The following CAMKK2 variants were observed in gnomAD, a reference collection of about 807,000 sequenced individuals.
The protein encoded by CAMKK2 is calcium/calmodulin dependent protein kinase kinase 2.
Under a neutral mutation model 67.2 loss-of-function variants are expected in CAMKK2, and 30 were observed. The observed-to-expected ratio is 0.45, with a 90% CI of 0.33 to 0.61. The LOEUF is 0.61. Among genes scored for constraint, CAMKK2 ranks in the 20% least tolerant of loss-of-function variants. The pLI, the probability that CAMKK2 is intolerant of heterozygous loss-of-function variation, is 0.02. For missense variants in CAMKK2, 643 were observed against 802.0 expected, an observed-to-expected ratio of 0.80 and a Z score of 2.39; for synonymous variants, 322 against 326.2, an observed-to-expected ratio of 0.99 and a Z score of 0.14.
At chr12:121,242,865 C>T (rs1385541912) in intron 16 of CAMKK2, among the ~76,000 whole-genome samples, 1 of 152,174 alleles carries the variant, frequency 6.6e-6, no homozygotes, top group East Asian at 1.9e-4. Flanking sequence ...GCCTCAGCCT[C>T]CCGAGTAGCT....
At chr12:121,295,184 T>C (rs1270682961) in intron 1 of CAMKK2, among the ~76,000 whole-genome samples, 1 of 152,124 alleles carries the variant, frequency 6.6e-6, no homozygotes, top group Non-Finnish European at 1.5e-5. Context: ...TAAATAAGTA[T>C]TCTTATTATT....
chr12:121,276,849 G>A (rs1413975441), intron 1 of CAMKK2, among the ~76,000 whole-genome samples: 5 of 133,032 alleles, frequency 3.8e-5, no homozygotes, highest in African/African-American at 5.7e-5. Flanking sequence ...TTGCACCACT[G>A]CACACCAGCC....
intron 4 of CAMKK2, 27 bp from the exon 5 acceptor site, chr12:121,268,716 T>C: frequency 6.2e-7 from 1 of 1,611,998 alleles, no homozygotes; most frequent in Non-Finnish European, 8.5e-7. Flanking sequence ...GACAGCACCT[T>C]TAGCCAGGTC....
intron 9 of CAMKK2, among the ~76,000 whole-genome samples, chr12:121,255,222 A>ATATATATAAAAT (rs1555250767): frequency 0.033 from 569 of 17,280 alleles, 64 homozygotes; most frequent in Non-Finnish European, 0.043. Context: ...ATATAATTTT[A>ATATATATAAAAT]TATATATATA....
At chr12:121,244,255 G>C in intron 16 of CAMKK2, 1 of 908,990 alleles carries the variant, frequency 1.1e-6, no homozygotes, top group East Asian at 2.6e-5. Context: ...CCCTGTGACA[G>C]AGCTTCAACA....
chr12:121,268,790 G>A (rs1031505472), intron 4 of CAMKK2, 101 bp from the exon 5 acceptor site: 174 of 1,102,252 alleles, frequency 1.6e-4, no homozygotes, highest in Admixed American at 5.8e-4. Context: ...CTCCAAAGCC[G>A]GCCCAAGCTC....
At position 121,296,420 on chromosome 12, in the gene CAMKK2, A is replaced by G. The variant is rs1335613614; in HGVS notation, c.-60+218T>C. Among the ~76,000 whole-genome samples the G allele has an allele frequency of 6.6e-6, 1 of 152,118 alleles. No homozygotes were observed. The highest frequency in any genetic ancestry group is 2.4e-5 in the African/African-American group (1 of 41,426). On this transcript the variant is annotated intron_variant, in intron 1 of 16. Transcript: ENST00000404169. This position sits in a 1 kb window ranked among gnomAD's most constrained non-coding sequence, Gnocchi z 7.1. ...CCATCCCGAGGCCCAGGGCGCCCAGAGGACGCGGGGGAAGGGCTGTCGGGG... is the reference window on the plus strand; with the variant it reads ...CCATCCCGAGGCCCAGGGCGCCCAGGGGACGCGGGGGAAGGGCTGTCGGGG...
At chr12:121,273,455 C>G (rs1289114776) in intron 2 of CAMKK2, among the ~76,000 whole-genome samples, 1 of 152,062 alleles carries the variant, frequency 6.6e-6, no homozygotes, top group Non-Finnish European at 1.5e-5. Flanking sequence ...GATCTGAGTT[C>G]TCTGTATCCC....
At chr12:121,251,996 G>A (rs1309918302) in intron 11 of CAMKK2, among the ~76,000 whole-genome samples, 2 of 152,100 alleles carry the variant, frequency 1.3e-5, no homozygotes, top group African/African-American at 2.4e-5. Flanking sequence ...ATACCCTGAC[G>A]GAAAGAACAT....
intron 1 of CAMKK2, among the ~76,000 whole-genome samples, chr12:121,286,449 T>C (rs1262864269): frequency 6.6e-6 from 1 of 152,266 alleles, no homozygotes; most frequent in Admixed American, 6.5e-5. Context: ...GTTAGCCTTC[T>C]TGAGTGCTTG....
chr12:121,247,990 G>A (rs1287591302), intron 14 of CAMKK2, among the ~76,000 whole-genome samples: 1 of 152,158 alleles, frequency 6.6e-6, no homozygotes, highest in African/African-American at 2.4e-5. Flanking sequence ...CTCTCTTGGA[G>A]CTAACTGCCC....
At chr12:121,273,853 C>T (rs1006982399) in intron 2 of CAMKK2, among the ~76,000 whole-genome samples, 9 of 152,148 alleles carry the variant, frequency 5.9e-5, no homozygotes, top group Non-Finnish European at 1.2e-4. Flanking sequence ...TGCTGACTGC[C>T]TTCCCTTCCC....
intron 1 of CAMKK2, among the ~76,000 whole-genome samples, chr12:121,280,824 C>G (rs1423249754): frequency 6.6e-6 from 1 of 152,144 alleles, no homozygotes; most frequent in Non-Finnish European, 1.5e-5. Context: ...ATCTCAAAAC[C>G]CTGTCTCCTG....
intron 7 of CAMKK2, among the ~76,000 whole-genome samples, chr12:121,257,909 AGGGTGG>A (rs1892666600): frequency 1.3e-5 from 2 of 151,756 alleles, no homozygotes; most frequent in South Asian, 4.1e-4. Flanking sequence ...GGCATGAGGG[AGGGTGG>A]CCTGTTGAAA....
rs199839786 is a variant in CAMKK2 at position 121,274,115 on chromosome 12, G to A, written c.412C>T (p.Pro138Ser). Residue 138 changes from proline (P) to serine (S), a missense_variant, in exon 2 of 17, where the codon CCT (proline) becomes TCT (serine). Physicochemically the swap from Pro to Ser is moderately conservative, Grantham distance 74 (BLOSUM62 -1). Around this residue, in one of 3 missense-constraint regions of CAMKK2, gnomAD observed 483 missense variants for 625.8 expected, o/e 0.77. Transcript: ENST00000404169. Reference protein sequence around the residue: ...YSPVSSPQSSPRLPRRPTVES... With the variant: ...YSPVSSPQSSSRLPRRPTVES... ...ACTGTCGGCCGCCGGGGCAGCCGAGGCGAGGACTGCGGGGAGCTGACGGGT... is the reference window on the plus strand; with the variant it reads ...ACTGTCGGCCGCCGGGGCAGCCGAGACGAGGACTGCGGGGAGCTGACGGGT... 1.9e-6 allele frequency: 3 copies of A among 1,557,030 alleles called. No homozygotes were observed. The highest frequency in any genetic ancestry group is 2.6e-6 in the Non-Finnish European group (3 of 1,150,382).
rs1901156645 is a variant in CAMKK2, at chr12:121,296,210, G to A, written c.-60+428C>T. On this transcript the variant is annotated intron_variant, in intron 1 of 16. Coordinates refer to ENST00000404169, the MANE Select transcript of CAMKK2 (RefSeq NM_001270485.2). This position sits in a 1 kb window ranked among gnomAD's most constrained non-coding sequence, Gnocchi z 7.1. Reference sequence around the variant, plus strand: ...CCCGAGACAGGCAGGCTGCGGGGTGGGGGTGCTCCAAGTCCGCTGGTCCTC... The same window carrying A: ...CCCGAGACAGGCAGGCTGCGGGGTGAGGGTGCTCCAAGTCCGCTGGTCCTC... Among the ~76,000 whole-genome samples the A allele has an allele frequency of 6.6e-6, 1 of 152,104 alleles. No individual in the cohort carries two copies. Among genetic ancestry groups the A allele is most frequent in the African/African-American group, 2.4e-5 (1 of 41,426 alleles).
chr12:121,270,643 T>C (rs971788579), intron 3 of CAMKK2, among the ~76,000 whole-genome samples: 4 of 152,176 alleles, frequency 2.6e-5, no homozygotes, highest in South Asian at 2.1e-4. Flanking sequence ...CCCAAATGTA[T>C]TGGGGATGTA....
chr12:121,274,215 C>T lies in CAMKK2; in HGVS notation c.312G>A (p.Arg104=). The T allele has an allele frequency of 6.2e-7, 1 of 1,605,472 alleles. No homozygotes were observed. Among genetic ancestry groups the T allele is most frequent in the Non-Finnish European group, 8.5e-7 (1 of 1,174,400 alleles). Residue 104 remains arginine, a synonymous_variant, in exon 2 of 17, where the codon CGG becomes CGA. Transcript: ENST00000404169. ...LSGRKLSLQE[R]SQGGLAAGGS... ...CACCGGCTGCCAGCCCACCCTGGGA[C>T]CGCTCTTGCAGAGACAGCTTGCGAC... is the stretch of plus-strand genomic sequence containing the variant.
At position 121,252,696 on chromosome 12, in the gene CAMKK2, T is replaced by C. The variant is rs1379774278; in HGVS notation, c.1126A>G (p.Met376Val). 1.9e-6 allele frequency: 3 copies of C among 1,614,212 alleles called. No individual in the cohort carries two copies. Among genetic ancestry groups the C allele is most frequent in the Non-Finnish European group, 2.5e-6 (3 of 1,180,024 alleles). The stretch of plus-strand genomic sequence containing the variant: ...ACAAAGCAGTATAGTGTCACACCCA[T>C]GGCCCAAACATCCAAGGCCTGCAAG... ...FSGKALDVWA[M>V]GVTLYCFVFG... Residue 376 changes from methionine to valine, a missense_variant, in exon 11 of 17, where the codon ATG becomes GTG. Met to Val is a conservative substitution (Grantham distance 21, BLOSUM62 1). Transcript: ENST00000404169.
Sources: allele counts gnomAD v4.1 joint callset (sites outside exome capture counted in the v4.1 genomes callset), GRCh38; gene constraint gnomAD v4.1.1; regional missense constraint gnomAD v4.1.1; non-coding constraint Gnocchi (gnomAD v3.1); transcripts MANE v1.5; gene names NCBI Gene and HGNC (gene_info 2026-07-23, HGNC 2026-07-21).